Variants in GPC5 observed in about 807,000 individuals in gnomAD.
GPC5 encodes the protein glypican 5.
In GPC5, 47 loss-of-function variants were observed where a neutral mutation model predicts 53.9. The observed-to-expected ratio is 0.87, with a 90% CI of 0.69 to 1.11. The LOEUF (loss-of-function observed/expected upper bound fraction) is 1.11. Ranked by LOEUF, GPC5 falls within the 50% of genes most tolerant of loss-of-function variation. The probability of loss-of-function intolerance (pLI) is 0.00; values close to 1 mark genes in which losing one functional copy is unlikely to be tolerated. For synonymous variants in GPC5, 286 were observed against 263.3 expected (o/e 1.09, Z -0.84); for missense variants, 748 against 713.1 (o/e 1.05, Z -0.56).
intron 6 of GPC5, among the ~76,000 whole-genome samples, chr13:91,971,993 A>G (rs2040246889): frequency 6.6e-6 from 1 of 152,176 alleles, no homozygotes; most frequent in Non-Finnish European, 1.5e-5. Flanking sequence ...TGCTTGGTGC[A>G]GAGCTGAGTT....
rs536772159 is a variant in GPC5 at position 91,494,995 on chromosome 13, C to T, written c.325+46073C>T. On this transcript the variant is annotated intron_variant, in intron 2 of 7. Transcript: ENST00000377067. ...CTGAACTGCTGACTAATATATCCAACGAAGTGCTTGACATCGCTATTTGAA... is the reference window on the plus strand; with the variant it reads ...CTGAACTGCTGACTAATATATCCAATGAAGTGCTTGACATCGCTATTTGAA... Among the ~76,000 whole-genome samples the T allele has an allele frequency of 9.8e-5, 15 of 152,308 alleles. No individual in the cohort carries two copies. The South Asian group carries it at 2.3e-3, about 23-fold the overall frequency.
chr13:92,055,669 G>C (rs1566415264), intron 6 of GPC5, among the ~76,000 whole-genome samples: 1 of 152,066 alleles, frequency 6.6e-6, no homozygotes, highest in African/African-American at 2.4e-5. Context: ...CTTCCCATAG[G>C]GGAAGAACCC....
intron 7 of GPC5, among the ~76,000 whole-genome samples, chr13:92,733,931 C>T (rs1301329425): frequency 2.0e-5 from 3 of 151,718 alleles, no homozygotes; most frequent in Non-Finnish European, 4.4e-5. Context: ...TGGAAAATTG[C>T]TTCACTAAAT....
intron 7 of GPC5, among the ~76,000 whole-genome samples, chr13:92,754,533 G>A (rs1243472947): frequency 2.0e-5 from 3 of 151,190 alleles, no homozygotes; most frequent in African/African-American, 7.3e-5. Context: ...ACACAAACTG[G>A]CAAATTGGAT....
intron 5 of GPC5, among the ~76,000 whole-genome samples, chr13:91,762,172 A>G (rs998929649): frequency 2.0e-5 from 3 of 152,180 alleles, no homozygotes; most frequent in Non-Finnish European, 4.4e-5. Context: ...CTTTTCCTCA[A>G]CTGGTTGTGT....
chr13:92,569,141 T>C (rs1882948315), intron 7 of GPC5, among the ~76,000 whole-genome samples: 1 of 136,070 alleles, frequency 7.3e-6, no homozygotes, highest in African/African-American at 2.8e-5. Context: ...TGTGTTCTCA[T>C]TGTTCAATTC....
intron 7 of GPC5, among the ~76,000 whole-genome samples, chr13:92,441,859 G>A (rs1474266718): frequency 6.6e-6 from 1 of 152,084 alleles, no homozygotes; most frequent in Non-Finnish European, 1.5e-5. Context: ...TGGAACCAAC[G>A]AAGAATCCAA....
intron 7 of GPC5, among the ~76,000 whole-genome samples, chr13:92,228,415 C>A (rs777958455): frequency 2.9e-4 from 44 of 152,114 alleles, no homozygotes; most frequent in Non-Finnish European, 5.3e-4. Context: ...AAATGTAGAT[C>A]TTTGAGGATA....
At chr13:92,666,310 C>T (rs879648189) in intron 7 of GPC5, among the ~76,000 whole-genome samples, 17 of 151,998 alleles carry the variant, frequency 1.1e-4, no homozygotes, top group Non-Finnish European at 1.9e-4. Context: ...GTAAATGATA[C>T]ATAGCCACTG....
intron 7 of GPC5, chr13:92,180,861 G>A (rs181909925): frequency 3.1e-5 from 6 of 191,152 alleles, no homozygotes; most frequent in African/African-American, 1.4e-4. Context: ...GCTGTAAAAT[G>A]GTTACAGGTG....
At chr13:91,924,480 T>A (rs1298527577) in intron 6 of GPC5, among the ~76,000 whole-genome samples, 1 of 152,050 alleles carries the variant, frequency 6.6e-6, no homozygotes, top group East Asian at 1.9e-4. Flanking sequence ...ATCCTAACAC[T>A]TTGGGAGGCC....
chr13:92,834,497 T>C (rs1371742318), intron 7 of GPC5, among the ~76,000 whole-genome samples: 2 of 152,110 alleles, frequency 1.3e-5, no homozygotes, highest in African/African-American at 2.4e-5. Context: ...ATTATAAAGT[T>C]AGACTATAAT....
intron 7 of GPC5, among the ~76,000 whole-genome samples, chr13:92,179,221 A>G (rs753040621): frequency 2.4e-4 from 36 of 151,848 alleles, no homozygotes; most frequent in Non-Finnish European, 7.4e-5. Context: ...ACTCTTACAT[A>G]CTCCTCACCA....
At chr13:91,718,006 T>C (rs1183440960) in intron 3 of GPC5, among the ~76,000 whole-genome samples, 1 of 152,244 alleles carries the variant, frequency 6.6e-6, no homozygotes, top group Non-Finnish European at 1.5e-5. Context: ...GCTTTTTCAA[T>C]GTAGGATTCT....
chr13:91,727,298 C>T (rs1457542346), intron 3 of GPC5, among the ~76,000 whole-genome samples: 1 of 152,136 alleles, frequency 6.6e-6, no homozygotes, highest in African/African-American at 2.4e-5. Flanking sequence ...GTAGCCTTTC[C>T]CGGGGTAGTC....
chr13:91,577,394 A>G (rs1302208243), intron 2 of GPC5, among the ~76,000 whole-genome samples: 9 of 152,122 alleles, frequency 5.9e-5, no homozygotes, highest in Non-Finnish European at 1.3e-4. Context: ...CCACTTTTCT[A>G]CCTTCCAGAG....
chr13:92,724,575 C>A (rs1594456658), intron 7 of GPC5, among the ~76,000 whole-genome samples: 1 of 151,412 alleles, frequency 6.6e-6, no homozygotes, highest in South Asian at 2.1e-4. Context: ...CATACATGAA[C>A]CTAGATAGAG....
At chr13:91,482,578 T>C (rs1411002369) in intron 2 of GPC5, among the ~76,000 whole-genome samples, 1 of 152,196 alleles carries the variant, frequency 6.6e-6, no homozygotes, top group Non-Finnish European at 1.5e-5. Flanking sequence ...TAAATCAGAA[T>C]CTGCATTTCA....
intron 6 of GPC5, among the ~76,000 whole-genome samples, chr13:91,909,068 G>C (rs2039584634): frequency 1.3e-5 from 2 of 152,258 alleles, no homozygotes; most frequent in South Asian, 4.1e-4. Flanking sequence ...ATGGGGGTTG[G>C]TGTCCAATAC....
Sources: gnomAD v4.1 joint callset for allele counts (sites outside exome capture counted in the v4.1 genomes callset) on GRCh38, gnomAD v4.1.1 for gene constraint, MANE v1.5 for transcripts, NCBI Gene and HGNC (gene_info 2026-07-23, HGNC 2026-07-21) for gene names.